Variants in NAA25 observed in about 807,000 individuals in gnomAD.
NAA25 encodes N-terminal acetyltransferase B complex subunit NAA25.
Under a neutral mutation model 132.5 loss-of-function variants are expected in NAA25, and 30 were observed. The observed-to-expected ratio is 0.23, with a 90% confidence interval of 0.17 to 0.31. The LOEUF (loss-of-function observed/expected upper bound fraction) is 0.31, where lower values mean the gene tolerates loss of function less well. NAA25 is among the 10% of genes least tolerant of loss of function. The pLI, the probability that NAA25 is intolerant of heterozygous loss-of-function variation, is 1.00. For synonymous variants in NAA25, 359 were observed against 401.9 expected (o/e 0.89, Z 1.28); for missense variants, 771 against 1,150.4 (o/e 0.67, Z 4.77).
chr12:112,033,040 G>A (rs1312490098), intron 23 of NAA25, among the ~76,000 whole-genome samples, 193 bp downstream of exon 23: 2 of 152,178 alleles, frequency 1.3e-5, no homozygotes, highest in East Asian at 3.8e-4. Context: ...CGTATGGGGA[G>A]AAATGAAGAG....
intron 11 of NAA25, among the ~76,000 whole-genome samples, chr12:112,064,776 TG>T (rs2078689629): frequency 1.3e-5 from 2 of 152,218 alleles, no homozygotes; most frequent in South Asian, 4.1e-4. Flanking sequence ...GGCTCACGCC[TG>T]TAATACCAGC....
At chr12:112,048,972 GCATTACGT>G (rs1210041099) in intron 15 of NAA25, among the ~76,000 whole-genome samples, 2 of 151,488 alleles carry the variant, frequency 1.3e-5, no homozygotes, top group African/African-American at 4.9e-5. Context: ...GGGCATATGA[GCATTACGT>G]CAGGATAGAA....
chr12:112,069,474 T>A (rs1243209964), intron 10 of NAA25, among the ~76,000 whole-genome samples: 1 of 151,374 alleles, frequency 6.6e-6, no homozygotes, highest in Non-Finnish European at 1.5e-5. Context: ...CTGCACTCCA[T>A]CCTGAGCAAC....
chr12:112,041,341 C>T (rs2078299291), intron 20 of NAA25, among the ~76,000 whole-genome samples: 1 of 151,946 alleles, frequency 6.6e-6, no homozygotes, highest in Non-Finnish European at 1.5e-5. Context: ...GAGCCCGCCA[C>T]CACACCCGGC....
chr12:112,044,875 T>TAAAAA (rs879272275), intron 17 of NAA25, among the ~76,000 whole-genome samples: 1 of 106,966 alleles, frequency 9.3e-6, no homozygotes. Context: ...ACCCAGTCTC[T>TAAAAA]AAAAAAAAAA....
intron 4 of NAA25, among the ~76,000 whole-genome samples, chr12:112,082,952 T>TA (rs2078994627): frequency 6.6e-6 from 1 of 152,174 alleles, no homozygotes; most frequent in Admixed American, 6.5e-5. Flanking sequence ...GATGTCTGGC[T>TA]AAAACAATTA....
At chr12:112,082,016 C>T (rs1025636541) in intron 4 of NAA25, among the ~76,000 whole-genome samples, 1 of 151,964 alleles carries the variant, frequency 6.6e-6, no homozygotes, top group Non-Finnish European at 1.5e-5. Flanking sequence ...TTTGGGAGGC[C>T]GAGGCTGGCA....
chr12:112,082,836 T>TATTTGAGGTG (rs1415146943), intron 4 of NAA25, among the ~76,000 whole-genome samples: 1 of 151,704 alleles, frequency 6.6e-6, no homozygotes, highest in Non-Finnish European at 1.5e-5. Context: ...AAACTACAAA[T>TATTTGAGGTG]ATTTGAGGTG....
At position 112,078,233 on chromosome 12, in the gene NAA25, C is replaced by T; in HGVS notation, c.619G>A (p.Gly207Arg). Reference protein sequence around the residue: ...ELYYMILERLGKYQEALDVIR... With the variant: ...ELYYMILERLRKYQEALDVIR... ...ACATCCAAGGCCTCCTGGTACTTTC[C>T]CAAACGTTCCAGGATCATATAATAA... The change falls in exon 7 of 24, where the codon GGA becomes AGA. Residue 207 changes from glycine (G) to arginine (R), a missense_variant. Physicochemically the swap from Gly to Arg is moderately radical, Grantham distance 125. This residue lies in a region of NAA25 where 417 missense variants were observed against 733.8 expected (regional missense o/e 0.57). Transcript: ENST00000261745. 6.2e-7 allele frequency: 1 copy of T among 1,610,192 alleles called. No individual in the cohort carries two copies.
intron 1 of NAA25, among the ~76,000 whole-genome samples, chr12:112,100,195 C>T (rs2079272502): frequency 6.6e-6 from 1 of 152,172 alleles, no homozygotes; most frequent in African/African-American, 2.4e-5. Context: ...CAGAGTCTTG[C>T]TCTGTCACCA....
intron 9 of NAA25, 104 bp downstream of exon 9, chr12:112,074,571 C>T: frequency 6.5e-6 from 4 of 611,820 alleles, no homozygotes; most frequent in Non-Finnish European, 1.1e-5. Flanking sequence ...GAAAGGAATA[C>T]TTTATTGAGA....
chr12:112,069,294 C>CAGG (rs1381228828), intron 10 of NAA25: 1 of 250,138 alleles, frequency 4.0e-6, no homozygotes, highest in African/African-American at 2.3e-5. Flanking sequence ...CCCTTGAAGT[C>CAGG]AGGAGTTCAA....
intron 15 of NAA25, among the ~76,000 whole-genome samples, chr12:112,052,391 A>G (rs893543725): frequency 1.3e-5 from 2 of 152,138 alleles, no homozygotes; most frequent in Non-Finnish European, 2.9e-5. Context: ...CTGAACGGAG[A>G]TACCAATCAC....
intron 4 of NAA25, among the ~76,000 whole-genome samples, chr12:112,084,871 T>C (rs1046250795): frequency 4.0e-5 from 6 of 151,200 alleles, no homozygotes; most frequent in African/African-American, 1.5e-4. Flanking sequence ...CTGAGGCAGG[T>C]AGATCACTCG....
At chr12:112,045,846 C>A (rs1345739247) in intron 17 of NAA25, among the ~76,000 whole-genome samples, 1 of 151,668 alleles carries the variant, frequency 6.6e-6, no homozygotes, top group Non-Finnish European at 1.5e-5. Context: ...CAATTTTAAA[C>A]AAATTGGTTA....
chr12:112,047,598 G>C, intron 17 of NAA25, 67 bp downstream of exon 17: 1 of 1,559,328 alleles, frequency 6.4e-7, no homozygotes, highest in Non-Finnish European at 8.7e-7. Context: ...CTATGATCTT[G>C]GTCTCTTTAA....
In NAA25 at chr12:112,078,666, C is replaced by T; in HGVS notation, c.553G>A (p.Val185Met). ...TCAGCTTCTATCTTGTCCTCTTTCA[C>T]CATTTTTTCGACCATTCTCTCAGCA... ...PLAERMVEKM[V>M]KEDKIEAEAE... Residue 185 changes from valine to methionine, a missense_variant, in exon 6 of 24, where the codon GTG (valine) becomes ATG (methionine). Around this residue, in one of 3 missense-constraint regions of NAA25, gnomAD observed 417 missense variants for 733.8 expected, o/e 0.57. Coordinates refer to ENST00000261745, the MANE Select transcript of NAA25 (RefSeq NM_024953.4). 2 of 1,614,018 alleles carry T rather than the reference C, an allele frequency of 1.2e-6. No homozygotes were observed. Among genetic ancestry groups the T allele is most frequent in the Non-Finnish European group, 8.5e-7 (1 of 1,179,940 alleles).
chr12:112,029,819 G>T (rs2078125942), intron 23 of NAA25, among the ~76,000 whole-genome samples, 166 bp from the exon 24 acceptor site: 3 of 152,128 alleles, frequency 2.0e-5, no homozygotes, highest in Admixed American at 2.0e-4. Context: ...AAGGCAAAAG[G>T]TCATCACGAA....
chr12:112,044,533 G>A (rs1191553376), intron 17 of NAA25, among the ~76,000 whole-genome samples: 5 of 151,820 alleles, frequency 3.3e-5, no homozygotes, highest in Admixed American at 3.3e-4. Context: ...AGCCGGGCGT[G>A]GTGGTGGGCG....
Sources: allele counts gnomAD v4.1 joint callset (sites outside exome capture counted in the v4.1 genomes callset), GRCh38; gene constraint gnomAD v4.1.1; regional missense constraint gnomAD v4.1.1; transcripts MANE v1.5; gene names NCBI Gene and HGNC (gene_info 2026-07-23, HGNC 2026-07-21).